TAFA1: variants seen among roughly 807,000 people sequenced by gnomAD.
TAFA1 encodes TAFA chemokine like family member 1.
TAFA1 carries 4 observed loss-of-function variants against 18.5 expected under a neutral mutation model. That is an observed-to-expected ratio of 0.22 (90% CI 0.11 to 0.49). TAFA1 has a LOEUF of 0.49. TAFA1 is among the 20% of genes least tolerant of loss of function. The pLI is 0.98. For synonymous variants in TAFA1, 56 were observed against 55.2 expected (o/e 1.01, Z -0.06); for missense variants, 147 against 169.0 (o/e 0.87, Z 0.72).
At chr3:68,511,481 C>T (rs11914815) in intron 3 of TAFA1, among the ~76,000 whole-genome samples, 3,031 of 152,022 alleles carry the variant, frequency 0.02, 118 homozygotes, top group African/African-American at 0.069. Context: ...TATAACAAAA[C>T]GATAAAAACC....
At chr3:68,385,444 G>C (rs1440064793) in intron 2 of TAFA1, among the ~76,000 whole-genome samples, 1 of 152,064 alleles carries the variant, frequency 6.6e-6, no homozygotes, top group Non-Finnish European at 1.5e-5. Flanking sequence ...ACCTAGATTT[G>C]AATCCTTGGT....
intron 2 of TAFA1, among the ~76,000 whole-genome samples, chr3:68,135,783 G>C (rs2065600188): frequency 6.6e-6 from 1 of 152,040 alleles, no homozygotes; most frequent in African/African-American, 2.4e-5. Context: ...TTTTTCATTT[G>C]TTTTAATTTA....
intron 2 of TAFA1, among the ~76,000 whole-genome samples, chr3:68,070,133 C>T (rs992122859): frequency 6.6e-6 from 1 of 152,232 alleles, no homozygotes; most frequent in African/African-American, 2.4e-5. Context: ...TCCTTCCACA[C>T]TGCATTAGCA....
At chr3:68,452,161 C>A (rs770986232) in intron 3 of TAFA1, among the ~76,000 whole-genome samples, 15 of 152,124 alleles carry the variant, frequency 9.9e-5, no homozygotes, top group Non-Finnish European at 1.6e-4. Flanking sequence ...GAAGGACATG[C>A]GGTTGTGGTC....
At chr3:68,048,773 G>T (rs761306242) in intron 2 of TAFA1, among the ~76,000 whole-genome samples, 1 of 152,022 alleles carries the variant, frequency 6.6e-6, no homozygotes, top group Non-Finnish European at 1.5e-5. Flanking sequence ...CATTGATGTT[G>T]CTGCAAATGA....
intron 2 of TAFA1, among the ~76,000 whole-genome samples, chr3:68,391,535 A>G (rs780643092): frequency 2.0e-5 from 3 of 152,210 alleles, no homozygotes; most frequent in Non-Finnish European, 4.4e-5. Flanking sequence ...CCTCAAGAAG[A>G]GCAACCGTAA....
intron 2 of TAFA1, among the ~76,000 whole-genome samples, chr3:68,303,338 C>T (rs569695969): frequency 8.5e-5 from 13 of 152,102 alleles, no homozygotes; most frequent in Admixed American, 3.3e-4. Flanking sequence ...AAAGGAGGAG[C>T]TTTTGGTTGA....
chr3:68,067,793 T>C (rs2064699843), intron 2 of TAFA1, among the ~76,000 whole-genome samples: 1 of 152,150 alleles, frequency 6.6e-6, no homozygotes, highest in African/African-American at 2.4e-5. Context: ...AAACATTTAC[T>C]GATTGCCTAT....
chr3:68,450,859 A>T (rs2071557361), intron 3 of TAFA1, among the ~76,000 whole-genome samples: 1 of 152,206 alleles, frequency 6.6e-6, no homozygotes, highest in Admixed American at 6.5e-5. Context: ...TGTTGTGCTT[A>T]TATCTCTACT....
chr3:68,132,727 GT>G lies in TAFA1; in HGVS notation c.118+125990del, dbSNP rs1214165618. Among the ~76,000 whole-genome samples the G allele has an allele frequency of 3.3e-5, 5 of 151,950 alleles. No individual in the cohort carries two copies. In the South Asian group the frequency reaches 8.3e-4, roughly 25 times the overall value. ...TGCCCACTTTTTGATGGGGTCATTT[GT>G]TTTTTTCTTGTAAATTTGTTTAAGT... On this transcript the variant is annotated intron_variant, in intron 2 of 4. Coordinates refer to ENST00000478136, the MANE Select transcript of TAFA1 (RefSeq NM_213609.4).
intron 2 of TAFA1, among the ~76,000 whole-genome samples, chr3:68,313,515 C>T (rs1304091587): frequency 2.0e-5 from 3 of 152,184 alleles, no homozygotes; most frequent in Non-Finnish European, 2.9e-5. Flanking sequence ...ATTTAAGCAT[C>T]ATCTACCCCC....
At chr3:68,326,195 T>C (rs2068775090) in intron 2 of TAFA1, among the ~76,000 whole-genome samples, 1 of 152,220 alleles carries the variant, frequency 6.6e-6, no homozygotes, top group African/African-American at 2.4e-5. Context: ...AATTAACATT[T>C]TCAGACTGAT....
At chr3:68,532,378 G>A (rs974940606) in intron 3 of TAFA1, among the ~76,000 whole-genome samples, 11 of 152,130 alleles carry the variant, frequency 7.2e-5, no homozygotes, top group Admixed American at 4.6e-4. Context: ...GTAGCCTGTG[G>A]TAAAAGTTTC....
chr3:68,427,257 C>A (rs1000755493), intron 3 of TAFA1, among the ~76,000 whole-genome samples: 3 of 151,858 alleles, frequency 2.0e-5, no homozygotes, highest in African/African-American at 7.2e-5. Flanking sequence ...CACTTTTCAT[C>A]CTTTCTTTTT....
chr3:68,440,507 A>T (rs2071357151), intron 3 of TAFA1, among the ~76,000 whole-genome samples: 1 of 152,202 alleles, frequency 6.6e-6, no homozygotes, highest in South Asian at 2.1e-4. Flanking sequence ...TATGACAATT[A>T]CAGCCCTCGT....
At chr3:68,529,677 G>A (rs2073161925) in intron 3 of TAFA1, among the ~76,000 whole-genome samples, 1 of 152,148 alleles carries the variant, frequency 6.6e-6, no homozygotes, top group Non-Finnish European at 1.5e-5. Context: ...GGGGAGCTGT[G>A]TGTGCAGAGA....
At chr3:68,102,505 C>T (rs7636462) in intron 2 of TAFA1, among the ~76,000 whole-genome samples, 63,063 of 151,996 alleles carry the variant, frequency 0.41, 13,352 homozygotes, top group East Asian at 0.48. Context: ...TTAAAATGCA[C>T]AGAAGGCTGG....
intron 3 of TAFA1, among the ~76,000 whole-genome samples, chr3:68,494,122 G>C (rs1362677946): frequency 6.6e-6 from 1 of 152,062 alleles, no homozygotes; most frequent in Non-Finnish European, 1.5e-5. Context: ...TTTTTTTTGA[G>C]ACAGAGTCTC....
intron 2 of TAFA1, among the ~76,000 whole-genome samples, chr3:68,026,244 C>T (rs1704812874): frequency 6.6e-6 from 1 of 151,986 alleles, no homozygotes; most frequent in South Asian, 2.1e-4. Context: ...GGTTGGCCCA[C>T]AGACGAATCC....
Sources: gnomAD v4.1 joint callset for allele counts (sites outside exome capture counted in the v4.1 genomes callset) on GRCh38, gnomAD v4.1.1 for gene constraint, MANE v1.5 for transcripts, NCBI Gene and HGNC (gene_info 2026-07-23, HGNC 2026-07-21) for gene names.